Variants in FRYL observed in about 807,000 individuals in gnomAD.
FRYL encodes FRY like transcription coactivator, also known as protein furry homolog-like.
FRYL carries 150 observed loss-of-function variants against 351.2 expected under a neutral mutation model. The ratio of observed to expected loss-of-function variants is 0.43; its 90% CI spans 0.37 to 0.49. The LOEUF is 0.49. Ranked by LOEUF, FRYL falls within the 20% of genes least tolerant of loss-of-function variation. FRYL has a pLI of 0.00. For synonymous variants in FRYL, 1,153 were observed against 1,257.1 expected, an observed-to-expected ratio of 0.92 and a Z score of 1.75; for missense variants, 3,036 against 3,619.3, an observed-to-expected ratio of 0.84 and a Z score of 4.13.
At chr4:48,614,035 A>G (rs1022467566) in intron 7 of FRYL, among the ~76,000 whole-genome samples, 1 of 152,092 alleles carries the variant, frequency 6.6e-6, no homozygotes, top group Admixed American at 6.5e-5. Flanking sequence ...CTGCCAGGAA[A>G]GAAAGAGAAA....
intron 3 of FRYL, among the ~76,000 whole-genome samples, chr4:48,657,455 C>A (rs1338318597): frequency 1.4e-5 from 2 of 146,434 alleles, no homozygotes; most frequent in East Asian, 4.1e-4. Context: ...TATCAATCTT[C>A]AAATGAGTTT....
intron 42 of FRYL, 107 bp from the exon 43 acceptor site, chr4:48,545,011 GAATA>G: frequency 8.8e-7 from 1 of 1,138,206 alleles, no homozygotes; most frequent in South Asian, 1.9e-5. Context: ...GATGGTAGTT[GAATA>G]AATAGGTCAC....
intron 33 of FRYL, among the ~76,000 whole-genome samples, chr4:48,559,388 G>GTAACAC (rs1734882258): frequency 6.7e-6 from 1 of 150,142 alleles, no homozygotes; most frequent in Non-Finnish European, 1.5e-5. Flanking sequence ...CGGTACCCTA[G>GTAACAC]TAACACTAAC....
At chr4:48,662,478 C>T (rs1360725180) in intron 3 of FRYL, among the ~76,000 whole-genome samples, 3 of 151,260 alleles carry the variant, frequency 2.0e-5, no homozygotes, top group Admixed American at 1.3e-4. Flanking sequence ...AAATATTATT[C>T]GAAAAAATAA....
intron 63 of FRYL, 122 bp downstream of exon 63, chr4:48,499,908 T>C (rs1174196942): frequency 2.5e-6 from 2 of 812,026 alleles, no homozygotes; most frequent in Non-Finnish European, 1.9e-6. Context: ...CTGTTAAAAA[T>C]ACTCATGTTT....
chr4:48,698,256 C>T (rs1766393821), intron 2 of FRYL, among the ~76,000 whole-genome samples: 1 of 152,232 alleles, frequency 6.6e-6, no homozygotes, highest in Admixed American at 6.5e-5. Flanking sequence ...TACCAGAAGA[C>T]TTACTATAGC....
chr4:48,644,853 CA>C (rs1756073930), intron 3 of FRYL, among the ~76,000 whole-genome samples: 1 of 151,098 alleles, frequency 6.6e-6, no homozygotes, highest in Non-Finnish European at 1.5e-5. Context: ...TGCATTTAAC[CA>C]AATACAAATT....
At chr4:48,608,852 A>G (rs1361169331) in intron 9 of FRYL, 135 bp downstream of exon 9, 5 of 654,328 alleles carry the variant, frequency 7.6e-6, no homozygotes, top group Non-Finnish European at 1.4e-5. Flanking sequence ...CAGAGCAGTA[A>G]AGTAATAAAA....
At chr4:48,661,215 C>T (rs1760645253) in intron 3 of FRYL, among the ~76,000 whole-genome samples, 1 of 152,166 alleles carries the variant, frequency 6.6e-6, no homozygotes, top group Non-Finnish European at 1.5e-5. Flanking sequence ...AAAAAAATTT[C>T]ATTTTCAAGA....
chr4:48,632,604 AT>A (rs1023663979), intron 4 of FRYL, among the ~76,000 whole-genome samples: 79 of 151,452 alleles, frequency 5.2e-4, no homozygotes, highest in African/African-American at 1.8e-3. Context: ...TACACAAAAA[AT>A]ATATATACAT....
chr4:48,535,398 A>G (rs1045262079), intron 48 of FRYL, among the ~76,000 whole-genome samples: 7 of 152,010 alleles, frequency 4.6e-5, no homozygotes, highest in African/African-American at 1.7e-4. Context: ...AAAAAAACCC[A>G]CCTTTATAAA....
At chr4:48,704,205 G>T (rs968294158) in intron 2 of FRYL, among the ~76,000 whole-genome samples, 1 of 152,118 alleles carries the variant, frequency 6.6e-6, no homozygotes, top group Non-Finnish European at 1.5e-5. Context: ...TTTCTAATGT[G>T]TAAAGAGCTT....
intron 54 of FRYL, among the ~76,000 whole-genome samples, chr4:48,521,995 T>C (rs1291589599): frequency 6.6e-6 from 1 of 152,110 alleles, no homozygotes; most frequent in Non-Finnish European, 1.5e-5. Flanking sequence ...TAAAGGTAGG[T>C]GGCTGGGTGC....
At chr4:48,625,518 T>C (rs547326181) in intron 4 of FRYL, among the ~76,000 whole-genome samples, 1 of 152,316 alleles carries the variant, frequency 6.6e-6, no homozygotes, top group Non-Finnish European at 1.5e-5. Context: ...TGTACAGACT[T>C]GTGTCATTAT....
At chr4:48,550,787 AAGG>A in intron 37 of FRYL, 83 bp from the exon 38 acceptor site, 1 of 1,055,240 alleles carries the variant, frequency 9.5e-7, no homozygotes, top group Non-Finnish European at 1.5e-6. Flanking sequence ...CTGTTTAAAA[AAGG>A]AGGACGGACG....
chr4:48,663,086 AT>A, intron 3 of FRYL, among the ~76,000 whole-genome samples: 1 of 152,062 alleles, frequency 6.6e-6, no homozygotes, highest in Admixed American at 6.5e-5. Context: ...TTTGTTTCTC[AT>A]TTTAAATGTC....
At position 48,562,952 on chromosome 4, in the gene FRYL, C is replaced by T; in HGVS notation, c.3633G>A (p.Leu1211=). ...YQCDTVMLLN[L]ILFKAADSSR... is the part of the protein sequence containing the mutation. ...AAGAATCAGCTGCTTTAAACAGTAT[C>T]AGATTTAGAAGCATCACTGTGTCAC... The change falls in exon 32 of 64, where the codon CTG becomes CTA. Residue 1211 remains leucine (L), a synonymous_variant. Coordinates refer to ENST00000358350, the MANE Select transcript of FRYL (RefSeq NM_015030.2). 5 of 1,609,212 alleles carry T rather than the reference C, an allele frequency of 3.1e-6. No individual in the cohort carries two copies. Among genetic ancestry groups the T allele is most frequent in the Non-Finnish European group, 4.3e-6 (5 of 1,176,394 alleles).
At chr4:48,633,680 AT>A (rs1219197649) in intron 4 of FRYL, among the ~76,000 whole-genome samples, 3 of 152,114 alleles carry the variant, frequency 2.0e-5, no homozygotes, top group Non-Finnish European at 4.4e-5. Context: ...GTCAAGTTCT[AT>A]TGATTTTACT....
At chr4:48,617,499 C>T (rs1749751127) in intron 7 of FRYL, 1 of 151,980 alleles carries the variant, frequency 6.6e-6, no homozygotes, top group Non-Finnish European at 1.5e-5. Context: ...CAGGCACATA[C>T]CACCACACCC....
Sources: gnomAD v4.1 joint callset for allele counts (sites outside exome capture counted in the v4.1 genomes callset) on GRCh38, gnomAD v4.1.1 for gene constraint, MANE v1.5 for transcripts, NCBI Gene and HGNC (gene_info 2026-07-23, HGNC 2026-07-21) for gene names.